Variants in MMP16 observed in about 807,000 individuals in gnomAD.
The protein encoded by MMP16 is matrix metalloproteinase-16.
MMP16 carries 12 observed loss-of-function variants against 67.8 expected under a neutral mutation model. The ratio of observed to expected loss-of-function variants is 0.18; its 90% confidence interval spans 0.11 to 0.29. The LOEUF is 0.29. Among genes scored for constraint, MMP16 ranks in the 10% least tolerant of loss-of-function variants. The pLI, the probability that MMP16 is intolerant of heterozygous loss-of-function variation, is 1.00. For missense variants in MMP16, 475 were observed against 765.7 expected (o/e 0.62, Z 4.48); for synonymous variants, 249 against 255.9 (o/e 0.97, Z 0.26).
chr8:88,292,655 C>T (rs1810943870), intron 1 of MMP16, among the ~76,000 whole-genome samples: 1 of 152,122 alleles, frequency 6.6e-6, no homozygotes, highest in Admixed American at 6.5e-5. Context: ...TAAGTTGTAT[C>T]TAGCATCCGG....
chr8:88,298,549 C>A (rs371047773), intron 1 of MMP16, among the ~76,000 whole-genome samples: 1 of 152,018 alleles, frequency 6.6e-6, no homozygotes, highest in African/African-American at 2.4e-5. Flanking sequence ...AGATGTTTTT[C>A]AAAATGTAGA....
intron 1 of MMP16, among the ~76,000 whole-genome samples, chr8:88,243,899 C>G (rs781459305): frequency 9.9e-5 from 15 of 152,056 alleles, no homozygotes; most frequent in Non-Finnish European, 1.8e-4. Context: ...TTTAGTCTTA[C>G]AGCCATTCAT....
intron 6 of MMP16, among the ~76,000 whole-genome samples, chr8:88,091,596 T>G (rs947376459): frequency 6.6e-6 from 1 of 151,682 alleles, no homozygotes; most frequent in African/African-American, 2.4e-5. Context: ...TTTAAGATAT[T>G]CTCTTAATCA....
chr8:88,065,511 T>C (rs1808452995), intron 7 of MMP16, among the ~76,000 whole-genome samples: 1 of 152,042 alleles, frequency 6.6e-6, no homozygotes, highest in South Asian at 2.1e-4. Context: ...TAAATATTTA[T>C]AATTCAAAAA....
chr8:88,033,377 C>T lies in MMP16; in HGVS notation c.*8084G>A, dbSNP rs947100667. Reference sequence around the variant, plus strand: ...AGCTTATATGGATGTCATAAATCTGCATTATCATACTGATCCACCGCTGGA... The same window carrying T: ...AGCTTATATGGATGTCATAAATCTGTATTATCATACTGATCCACCGCTGGA... On this transcript the variant is annotated 3_prime_UTR_variant, in exon 10 of 10. Coordinates refer to ENST00000286614, the MANE Select transcript of MMP16 (RefSeq NM_005941.5). 7 of 150,650 alleles carry T rather than the reference C, an allele frequency of 4.6e-5. No individual in the cohort carries two copies. The highest frequency in any genetic ancestry group is 8.9e-5 in the Non-Finnish European group (6 of 67,678). The allele number at this position is 150,650 out of a possible 1,614,324, so 9.3% of individuals were successfully genotyped here. A position where few individuals can be genotyped will look rare whatever the true frequency, so the allele number is the denominator to read the frequency against.
chr8:88,055,318 A>C (rs1433752410), intron 8 of MMP16, among the ~76,000 whole-genome samples: 6 of 151,982 alleles, frequency 3.9e-5, no homozygotes, highest in Admixed American at 3.9e-4. Flanking sequence ...AGTGATTCTC[A>C]TGCCTCAGCC....
intron 7 of MMP16, among the ~76,000 whole-genome samples, chr8:88,062,606 A>G (rs1432916723): frequency 6.6e-6 from 1 of 151,300 alleles, no homozygotes; most frequent in Non-Finnish European, 1.5e-5. Flanking sequence ...GAATTGAACA[A>G]TGAGAACACT....
intron 4 of MMP16, among the ~76,000 whole-genome samples, chr8:88,166,474 CT>C: frequency 6.6e-6 from 1 of 151,316 alleles, no homozygotes; most frequent in Non-Finnish European, 1.5e-5. Context: ...TATTAAGTAA[CT>C]AAAAGTTATT....
intron 1 of MMP16, among the ~76,000 whole-genome samples, chr8:88,241,854 A>G (rs1211387744): frequency 1.3e-5 from 2 of 152,140 alleles, no homozygotes; most frequent in Non-Finnish European, 2.9e-5. Flanking sequence ...GTATATTCAA[A>G]ATCCTCTCGT....
At chr8:88,097,294 C>A (rs1229931361) in intron 6 of MMP16, among the ~76,000 whole-genome samples, 4 of 151,728 alleles carry the variant, frequency 2.6e-5, no homozygotes, top group Non-Finnish European at 5.9e-5. Context: ...AGGATCTTTT[C>A]TATGTACAGA....
At chr8:88,132,287 A>T (rs994061636) in intron 4 of MMP16, among the ~76,000 whole-genome samples, 66 of 151,958 alleles carry the variant, frequency 4.3e-4, no homozygotes, top group African/African-American at 1.6e-3. Context: ...TTCATAAACA[A>T]CTTCAAGAAT....
intron 5 of MMP16, among the ~76,000 whole-genome samples, chr8:88,118,363 T>G (rs951158209): frequency 7.4e-6 from 1 of 135,018 alleles, no homozygotes; most frequent in African/African-American, 2.8e-5. Flanking sequence ...TTTTTCCTTG[T>G]TTTTTTTTGT....
chr8:88,245,436 A>G (rs1189919566), intron 1 of MMP16, among the ~76,000 whole-genome samples: 1 of 152,198 alleles, frequency 6.6e-6, no homozygotes, highest in Non-Finnish European at 1.5e-5. Flanking sequence ...GTATTTTGAC[A>G]GCTGAGCTAG....
intron 1 of MMP16, among the ~76,000 whole-genome samples, chr8:88,292,170 G>T (rs1313528642): frequency 2.0e-5 from 3 of 152,188 alleles, no homozygotes; most frequent in African/African-American, 7.2e-5. Context: ...CTTTGCTAGA[G>T]ATTAACATTT....
intron 1 of MMP16, among the ~76,000 whole-genome samples, chr8:88,276,929 A>G (rs1810657943): frequency 6.6e-6 from 1 of 152,166 alleles, no homozygotes; most frequent in Admixed American, 6.5e-5. Context: ...ATATTCAATA[A>G]TAATACACTA....
intron 4 of MMP16, among the ~76,000 whole-genome samples, chr8:88,137,340 T>A (rs1405667860): frequency 2.0e-5 from 3 of 151,998 alleles, no homozygotes; most frequent in Admixed American, 6.6e-5. Context: ...CTGGTCCCAA[T>A]AATTTGGAAT....
intron 1 of MMP16, among the ~76,000 whole-genome samples, chr8:88,326,162 T>G (rs757195011): frequency 3.9e-5 from 6 of 152,238 alleles, no homozygotes; most frequent in South Asian, 2.1e-4. Context: ...TGGCTTTGTA[T>G]CCCACCGTAT....
At chr8:88,153,746 C>T (rs1215790535) in intron 4 of MMP16, among the ~76,000 whole-genome samples, 5 of 149,182 alleles carry the variant, frequency 3.4e-5, no homozygotes, top group Admixed American at 6.7e-5. Flanking sequence ...AACGTTAGAC[C>T]TAAAACCATA....
intron 6 of MMP16, among the ~76,000 whole-genome samples, chr8:88,112,101 C>T (rs951449943): frequency 6.6e-6 from 1 of 151,504 alleles, no homozygotes; most frequent in Non-Finnish European, 1.5e-5. Flanking sequence ...TTTGCCTCTT[C>T]AAATTAACCT....
Sources: allele counts gnomAD v4.1 joint callset (sites outside exome capture counted in the v4.1 genomes callset), GRCh38; gene constraint gnomAD v4.1.1; transcripts MANE v1.5; gene names NCBI Gene and HGNC (gene_info 2026-07-23, HGNC 2026-07-21).